Variants in ARSB observed in about 807,000 individuals in gnomAD.
The protein encoded by ARSB is N-acetylgalactosamine-4-sulfatase.
Under a neutral mutation model 50.9 loss-of-function variants are expected in ARSB, and 41 were observed. The ratio of observed to expected loss-of-function variants is 0.81; its 90% CI spans 0.63 to 1.04. The LOEUF is 1.04. Ranked by LOEUF, ARSB falls within the 50% of genes least tolerant of loss-of-function variation. ARSB has a pLI of 0.00. For missense variants in ARSB, 672 were observed against 693.3 expected, an observed-to-expected ratio of 0.97 and a Z score of 0.35; for synonymous variants, 269 against 284.8, an observed-to-expected ratio of 0.94 and a Z score of 0.56.
intron 4 of ARSB, among the ~76,000 whole-genome samples, chr5:78,938,693 C>G (rs114482407): frequency 6.6e-6 from 1 of 152,128 alleles, no homozygotes; most frequent in Non-Finnish European, 1.5e-5. Context: ...TCTTTGCCAA[C>G]TACCAGTTTT....
At position 78,936,026 on chromosome 5, in the gene ARSB, T is replaced by TC. The variant is rs1208601363; in HGVS notation, c.898+19268dup. On this transcript the variant is annotated intron_variant, in intron 4 of 7. Coordinates refer to ENST00000264914, the MANE Select transcript of ARSB (RefSeq NM_000046.5). ...TTCTTTCTGTCTTTCTCTCTGTCTCTCCCCCCCCACCTCCCTCCCTCTCTC... is the reference window on the plus strand; with the variant it reads ...TTCTTTCTGTCTTTCTCTCTGTCTCTCCCCCCCCCACCTCCCTCCCTCTCTC... Among the ~76,000 whole-genome samples, 157 of 93,184 alleles carry TC rather than the reference T, an allele frequency of 1.7e-3. 1 individual carries two copies. The highest frequency in any genetic ancestry group is 2.7e-3 in the Admixed American group (22 of 8,222). The allele number at this position is 93,184 out of a possible 152,430, so 61.1% of individuals were successfully genotyped here.
Position 78,969,231 on chromosome 5 carries a change from T to G in ARSB, c.313-39A>C, listed in dbSNP as rs752009026. ...ACATAAAATTATAGATTAATGACAT[T>G]GAAATATTGTGAACAAGCAGATAAA... is the stretch of plus-strand genomic sequence containing the variant. On this transcript the variant is annotated intron_variant, in intron 1 of 7. Coordinates refer to ENST00000264914, the MANE Select transcript of ARSB (RefSeq NM_000046.5). The G allele has an allele frequency of 1.2e-5, 20 of 1,605,478 alleles. No individual in the cohort carries two copies. The South Asian group carries it at 1.9e-4, about 15-fold the overall frequency.
At chr5:78,793,882 C>A (rs971946208) in intron 6 of ARSB, among the ~76,000 whole-genome samples, 3 of 152,006 alleles carry the variant, frequency 2.0e-5, no homozygotes, top group Admixed American at 6.5e-5. Flanking sequence ...AGAAAGATTT[C>A]AATTTTTATT....
intron 4 of ARSB, among the ~76,000 whole-genome samples, chr5:78,886,487 T>C (rs1716576861): frequency 6.6e-6 from 1 of 152,132 alleles, no homozygotes; most frequent in African/African-American, 2.4e-5. Context: ...TAAAGTTTCA[T>C]TATGCACAAT....
intron 5 of ARSB, chr5:78,883,614 G>A (rs1397445749): frequency 1.3e-5 from 2 of 152,208 alleles, no homozygotes; most frequent in Non-Finnish European, 2.9e-5. Flanking sequence ...ACTTTGAGTT[G>A]CAAAATAATT....
intron 4 of ARSB, among the ~76,000 whole-genome samples, chr5:78,926,379 G>A (rs528418011): frequency 6.6e-6 from 1 of 152,102 alleles, no homozygotes; most frequent in South Asian, 2.1e-4. Context: ...CTGTCCAAGT[G>A]CCTTTCTACA....
rs1404292757 is a variant in ARSB, at chr5:78,908,542, G to A, written c.899-22715C>T. Among the ~76,000 whole-genome samples the A allele has an allele frequency of 3.9e-5, 6 of 152,190 alleles. No individual in the cohort carries two copies. The South Asian group carries it at 6.2e-4, about 16-fold the overall frequency. On this transcript the variant is annotated intron_variant, in intron 4 of 7. Transcript: ENST00000264914. ...AACAATTCCTGCAGCCAATGAAAAC[G>A]GGCAGGCTCTGTGCGGGCAGCCTGG...
intron 6 of ARSB, among the ~76,000 whole-genome samples, chr5:78,808,098 A>C (rs1580988929): frequency 9.3e-6 from 1 of 108,058 alleles, no homozygotes; most frequent in African/African-American, 4.7e-5. Context: ...GTCTCAAAAA[A>C]AAAAAAAAAA....
chr5:78,884,041 T>G (rs1438842013), intron 5 of ARSB: 1 of 152,174 alleles, frequency 6.6e-6, no homozygotes, highest in African/African-American at 2.4e-5. Context: ...CTTAAATGCC[T>G]ACAGAGACTA....
intron 3 of ARSB, among the ~76,000 whole-genome samples, chr5:78,961,150 A>C (rs1751966279): frequency 6.6e-6 from 1 of 152,204 alleles, no homozygotes; most frequent in Non-Finnish European, 1.5e-5. Flanking sequence ...TTTTTATCTT[A>C]GAACAAGTTC....
At chr5:78,917,946 C>G (rs1749635075) in intron 4 of ARSB, among the ~76,000 whole-genome samples, 1 of 152,210 alleles carries the variant, frequency 6.6e-6, no homozygotes, top group African/African-American at 2.4e-5. Flanking sequence ...GACCAAGAGA[C>G]AGACACAACT....
intron 4 of ARSB, among the ~76,000 whole-genome samples, chr5:78,909,832 C>T (rs569436745): frequency 3.3e-5 from 5 of 152,228 alleles, no homozygotes; most frequent in South Asian, 2.1e-4. Flanking sequence ...AGGCCTCTTG[C>T]AGTTGAGATA....
chr5:78,805,899 C>G (rs1158223206), intron 6 of ARSB, among the ~76,000 whole-genome samples: 1 of 152,206 alleles, frequency 6.6e-6, no homozygotes, highest in Non-Finnish European at 1.5e-5. Flanking sequence ...AAAAGCAACA[C>G]CAGGGAGAGG....
intron 5 of ARSB, among the ~76,000 whole-genome samples, chr5:78,871,867 G>A (rs1022647856): frequency 7.2e-6 from 1 of 139,424 alleles, no homozygotes; most frequent in Non-Finnish European, 1.6e-5. Flanking sequence ...ACTACCATCA[G>A]AGTGAACAGG....
chr5:78,820,567 G>GA (rs201873566), intron 6 of ARSB, among the ~76,000 whole-genome samples: 9,403 of 149,888 alleles, frequency 0.063, 354 homozygotes, highest in East Asian at 0.11. Flanking sequence ...ACTCAAAAAA[G>GA]AAAAAAAAAT....
In ARSB at chr5:78,874,879, C is replaced by T. The variant is rs561015117; in HGVS notation, c.1142+10705G>A. Reference sequence around the variant, plus strand: ...ATCCCAGCGCTTTGGGAGGCTGAGGCAGGAGGATTGCTTGAGCCCAGGAGT... The same window carrying T: ...ATCCCAGCGCTTTGGGAGGCTGAGGTAGGAGGATTGCTTGAGCCCAGGAGT... On this transcript the variant is annotated intron_variant, in intron 5 of 7. Transcript: ENST00000264914. 2.7e-4 allele frequency among the ~76,000 whole-genome samples: 41 copies of T among 152,194 alleles called. 1 individual carries two copies. The highest frequency in any genetic ancestry group is 6.8e-3 in the Middle Eastern group (2 of 294).
intron 4 of ARSB, among the ~76,000 whole-genome samples, chr5:78,907,672 C>T (rs1002666672): frequency 5.9e-5 from 9 of 152,190 alleles, no homozygotes; most frequent in African/African-American, 2.2e-4. Flanking sequence ...TTTGCGTGGA[C>T]TGCTCCTGTT....
intron 5 of ARSB, among the ~76,000 whole-genome samples, chr5:78,871,466 A>T (rs1488315662): frequency 1.3e-5 from 2 of 151,272 alleles, no homozygotes; most frequent in East Asian, 3.9e-4. Flanking sequence ...ACCAAAACAG[A>T]GATATAGATC....
chr5:78,943,115 TTG>T (rs1390559130), intron 4 of ARSB, among the ~76,000 whole-genome samples: 1 of 152,238 alleles, frequency 6.6e-6, no homozygotes, highest in African/African-American at 2.4e-5. Context: ...CTGCCTTTTT[TTG>T]TTTTTCATTT....
Sources: gnomAD v4.1 joint callset for allele counts (sites outside exome capture counted in the v4.1 genomes callset) on GRCh38, gnomAD v4.1.1 for gene constraint, MANE v1.5 for transcripts, NCBI Gene and HGNC (gene_info 2026-07-23, HGNC 2026-07-21) for gene names.